TXNDC8: variants seen among roughly 807,000 people sequenced by gnomAD.
The protein encoded by TXNDC8 is thioredoxin domain-containing protein 8.
Under a neutral mutation model 12.9 loss-of-function variants are expected in TXNDC8, and 15 were observed. That is an observed-to-expected ratio of 1.16 (90% CI 0.78 to 1.79). The LOEUF (loss-of-function observed/expected upper bound fraction) is 1.79, where lower values mean the gene tolerates loss of function less well. Among genes scored for constraint, TXNDC8 ranks in the 40% most tolerant of loss-of-function variants. The pLI is 0.00. For missense variants in TXNDC8, 128 were observed against 113.2 expected, an observed-to-expected ratio of 1.13 and a Z score of -0.59; for synonymous variants, 40 against 35.4, an observed-to-expected ratio of 1.13 and a Z score of -0.46.
intron 3 of TXNDC8, among the ~76,000 whole-genome samples, chr9:110,306,831 C>A (rs1292373026): frequency 6.6e-6 from 1 of 152,310 alleles, no homozygotes; most frequent in Non-Finnish European, 1.5e-5. Context: ...TGAACCTTTT[C>A]TCTGTGATCC....
intron 2 of TXNDC8, among the ~76,000 whole-genome samples, chr9:110,333,658 G>A (rs1839631848): frequency 6.6e-6 from 1 of 152,050 alleles, no homozygotes; most frequent in Non-Finnish European, 1.5e-5. Flanking sequence ...ATAATATCAT[G>A]GGTGTATACA....
rs538845260 is a variant in TXNDC8, at chr9:110,323,378, A to G, written c.195+2797T>C. 5 of 971,872 alleles carry G rather than the reference A, an allele frequency of 5.1e-6. No individual in the cohort carries two copies. The East Asian group carries it at 3.4e-4, about 67-fold the overall frequency. The allele number at this position is 971,872 out of a possible 1,614,324, so 60.2% of individuals were successfully genotyped here. A position where few individuals can be genotyped will look rare whatever the true frequency, so the allele number is the denominator to read the frequency against. On this transcript the variant is annotated intron_variant, in intron 3 of 4. Transcript: ENST00000423740. ...CAAAAGAGAAGAAAATTTCCAGAATATAGAAGCTCATTAGTTAATGGTGCT... is the reference window on the plus strand; with the variant it reads ...CAAAAGAGAAGAAAATTTCCAGAATGTAGAAGCTCATTAGTTAATGGTGCT...
chr9:110,311,843 T>G (rs1838701327), intron 3 of TXNDC8, among the ~76,000 whole-genome samples: 1 of 146,336 alleles, frequency 6.8e-6, no homozygotes, highest in Non-Finnish European at 1.5e-5. Flanking sequence ...ATATATACTA[T>G]ATATGGATAT....
At chr9:110,319,058 A>G (rs888398363) in intron 3 of TXNDC8, among the ~76,000 whole-genome samples, 4 of 152,174 alleles carry the variant, frequency 2.6e-5, no homozygotes, top group Non-Finnish European at 5.9e-5. Context: ...CTTTTGTTCC[A>G]TCTCACTTAG....
At chr9:110,310,604 G>A (rs1214768564) in intron 3 of TXNDC8, among the ~76,000 whole-genome samples, 1 of 152,044 alleles carries the variant, frequency 6.6e-6, no homozygotes, top group Non-Finnish European at 1.5e-5. Flanking sequence ...GAAAATAAAA[G>A]CACTTGAATC....
chr9:110,324,732 T>C (rs1022475390), intron 3 of TXNDC8, among the ~76,000 whole-genome samples: 16 of 152,350 alleles, frequency 1.1e-4, no homozygotes, highest in Admixed American at 9.8e-4. Flanking sequence ...TAAAACGGAA[T>C]AAGCATTTTG....
chr9:110,337,732 T>G (rs7026528), intron 1 of TXNDC8, 41 bp downstream of exon 1: 512,432 of 1,594,796 alleles, frequency 0.32, 88,654 homozygotes, highest in African/African-American at 0.63. Flanking sequence ...TCCCAAGATG[T>G]CCACATTTGA....
intron 3 of TXNDC8, among the ~76,000 whole-genome samples, chr9:110,320,284 C>A (rs531477281): frequency 1.3e-5 from 2 of 152,246 alleles, no homozygotes; most frequent in African/African-American, 4.8e-5. Flanking sequence ...GTAATTGAAT[C>A]ATGGGGGCGG....
chr9:110,316,973 G>A (rs193250102), intron 3 of TXNDC8, among the ~76,000 whole-genome samples: 1 of 152,342 alleles, frequency 6.6e-6, no homozygotes, highest in Non-Finnish European at 1.5e-5. Context: ...AAAACAAGTG[G>A]AGGGTCGGAT....
At chr9:110,326,660 A>ACGCATCCT (rs1394582524) in intron 2 of TXNDC8, among the ~76,000 whole-genome samples, 1 of 146,816 alleles carries the variant, frequency 6.8e-6, no homozygotes, top group African/African-American at 2.4e-5. Flanking sequence ...GAGACGTGGA[A>ACGCATCCT]CGCATCCTGA....
downstream of TXNDC8, among the ~76,000 whole-genome samples, chr9:110,301,461 T>C (rs1838269293): frequency 6.6e-6 from 1 of 152,232 alleles, no homozygotes; most frequent in Non-Finnish European, 1.5e-5. Context: ...TTTTTTGCAG[T>C]GAGCACAACA....
intron 3 of TXNDC8, among the ~76,000 whole-genome samples, chr9:110,311,557 A>ATATC (rs1554702019): frequency 1.4e-4 from 18 of 125,942 alleles, no homozygotes; most frequent in Non-Finnish European, 2.5e-4. Context: ...ATATATATAT[A>ATATC]TCTCCATACT....
At chr9:110,326,927 C>T (rs1004934483) in intron 2 of TXNDC8, among the ~76,000 whole-genome samples, 3 of 141,234 alleles carry the variant, frequency 2.1e-5, no homozygotes, top group African/African-American at 8.1e-5. Context: ...AAATCTCTTG[C>T]CCTGCTACTC....
intron 3 of TXNDC8, among the ~76,000 whole-genome samples, chr9:110,325,656 G>A (rs1453098633): frequency 6.6e-6 from 1 of 151,972 alleles, no homozygotes; most frequent in African/African-American, 2.4e-5. Context: ...GAGTACCTGG[G>A]ACTACAGGCG....
In TXNDC8 at chr9:110,305,792, C is replaced by T. The variant is rs200682600; in HGVS notation, c.196-1260G>A. Among the ~76,000 whole-genome samples the T allele has an allele frequency of 4.9e-3, 281 of 56,826 alleles. 5 individuals carry two copies. Among genetic ancestry groups the T allele is most frequent in the African/African-American group, 0.015 (240 of 16,016 alleles). 37.3% of individuals were successfully genotyped at this position (56,826 alleles called of 152,430 possible). Reference sequence around the variant, plus strand: ...TCTTTTCTTTTCTTTTCTTTTCTTTCTTTTCTTTTCTTTTCTTTCCTTTCC... The same window carrying T: ...TCTTTTCTTTTCTTTTCTTTTCTTTTTTTTCTTTTCTTTTCTTTCCTTTCC... On this transcript the variant is annotated intron_variant, in intron 3 of 4. Transcript: ENST00000423740.
rs1839312669 is a variant in TXNDC8, at chr9:110,326,225, A to G, written c.145T>C (p.Cys49Arg). Residue 49 changes from cysteine to arginine, a missense_variant, in exon 3 of 5, where the codon TGT becomes CGT. Physicochemically the swap from Cys to Arg is radical, Grantham distance 180 (BLOSUM62 -3). Coordinates refer to ENST00000423740, the MANE Select transcript of TXNDC8 (RefSeq NM_001286946.2). ...AATGTGGGTATTGTTTTGATGTGAC[A>G]AGTTTCAGCCAGCTCCTGGGAAAGC... The G allele has an allele frequency of 1.2e-6, 2 of 1,614,000 alleles. No individual in the cohort carries two copies. The highest frequency in any genetic ancestry group is 8.5e-7 in the Non-Finnish European group (1 of 1,179,944).
intron 2 of TXNDC8, among the ~76,000 whole-genome samples, chr9:110,328,699 G>A (rs891340249): frequency 1.1e-4 from 17 of 152,322 alleles, no homozygotes; most frequent in Admixed American, 3.3e-4. Context: ...CCAGCGACTC[G>A]GGAGGCTGAG....
chr9:110,332,573 A>AGAGAG (rs141860958), intron 2 of TXNDC8, among the ~76,000 whole-genome samples: 6 of 151,912 alleles, frequency 3.9e-5, no homozygotes, highest in African/African-American at 1.2e-4. Flanking sequence ...TTTTAGCTGT[A>AGAGAG]TAGTCTTTAC....
intron 3 of TXNDC8, among the ~76,000 whole-genome samples, chr9:110,318,285 C>T (rs1164201110): frequency 1.3e-5 from 2 of 152,258 alleles, no homozygotes; most frequent in East Asian, 3.9e-4. Flanking sequence ...TTTTTCTGCG[C>T]TTTTTCTCTG....
Sources: gnomAD v4.1 joint callset for allele counts (sites outside exome capture counted in the v4.1 genomes callset) on GRCh38, gnomAD v4.1.1 for gene constraint, MANE v1.5 for transcripts, NCBI Gene and HGNC (gene_info 2026-07-23, HGNC 2026-07-21) for gene names.